Variants in UNC5C observed in about 807,000 individuals in gnomAD.
UNC5C encodes the protein unc-5 netrin receptor C, also known as netrin receptor UNC5C.
Under a neutral mutation model 99.8 loss-of-function variants are expected in UNC5C, and 47 were observed. That is an observed-to-expected ratio of 0.47 (90% CI 0.37 to 0.60). The LOEUF is 0.60. Ranked by LOEUF, UNC5C falls within the 20% of genes least tolerant of loss-of-function variation. UNC5C has a pLI of 0.00. For missense variants in UNC5C, 1,062 were observed against 1,165.9 expected (o/e 0.91, Z 1.30); for synonymous variants, 487 against 452.2 (o/e 1.08, Z -0.98).
At chr4:95,443,651 A>ATTTT (rs1747014647) in intron 1 of UNC5C, among the ~76,000 whole-genome samples, 1 of 152,096 alleles carries the variant, frequency 6.6e-6, no homozygotes, top group Non-Finnish European at 1.5e-5. Context: ...ACCATCTTTT[A>ATTTT]TTTTCAGTTT....
chr4:95,459,424 A>G (rs1224469670), intron 1 of UNC5C, among the ~76,000 whole-genome samples: 2 of 152,152 alleles, frequency 1.3e-5, no homozygotes, highest in East Asian at 3.8e-4. Flanking sequence ...CTAAAGGCCC[A>G]TTAAGGTATC....
chr4:95,210,024 G>T (rs1038936087), intron 10 of UNC5C, among the ~76,000 whole-genome samples: 2 of 152,124 alleles, frequency 1.3e-5, no homozygotes, highest in Non-Finnish European at 2.9e-5. Context: ...GTTAGCAGCC[G>T]GTGCTTGAGG....
At chr4:95,540,756 G>A (rs1722898608) in intron 1 of UNC5C, among the ~76,000 whole-genome samples, 1 of 152,024 alleles carries the variant, frequency 6.6e-6, no homozygotes, top group Non-Finnish European at 1.5e-5. Context: ...ATTTCACATA[G>A]ACATACAGTT....
intron 3 of UNC5C, 143 bp from the exon 4 acceptor site, chr4:95,278,505 C>G: frequency 3.1e-6 from 2 of 642,914 alleles, no homozygotes; most frequent in Non-Finnish European, 5.3e-6. Context: ...GACAGGGTCT[C>G]ACTCTGTGTC....
chr4:95,189,939 C>A lies in UNC5C; in HGVS notation c.2137-4743G>T, dbSNP rs534338553. Among the ~76,000 whole-genome samples, 45 of 152,228 alleles carry A rather than the reference C, an allele frequency of 3.0e-4. 1 individual carries two copies. The South Asian group carries it at 9.1e-3, about 31-fold the overall frequency. On this transcript the variant is annotated intron_variant, in intron 12 of 15. Transcript: ENST00000453304. ...ATTGTGGAAGTCAGTGTGGCGATTC[C>A]TCAGGGATCTAGAACTAGAAATACC...
chr4:95,175,223 G>T (rs1322382934), intron 14 of UNC5C, among the ~76,000 whole-genome samples: 1 of 150,968 alleles, frequency 6.6e-6, no homozygotes, highest in East Asian at 1.9e-4. Flanking sequence ...TCTTTTAATT[G>T]GAGCATTTAG....
chr4:95,240,863 C>T (rs1249256162), intron 7 of UNC5C, among the ~76,000 whole-genome samples: 2 of 152,142 alleles, frequency 1.3e-5, no homozygotes, highest in Non-Finnish European at 2.9e-5. Context: ...GTGACATTTT[C>T]TATGACTAAT....
chr4:95,256,522 C>G (rs931804876), intron 4 of UNC5C, among the ~76,000 whole-genome samples: 1 of 151,866 alleles, frequency 6.6e-6, no homozygotes, highest in African/African-American at 2.4e-5. Context: ...CTTCCTGGTC[C>G]AAGTCACTAT....
intron 1 of UNC5C, among the ~76,000 whole-genome samples, chr4:95,447,268 T>G (rs549509359): frequency 6.6e-6 from 1 of 152,300 alleles, no homozygotes; most frequent in African/African-American, 2.4e-5. Flanking sequence ...TCCAGAGAGA[T>G]ACGAAATCCA....
At position 95,292,208 on chromosome 4, in the gene UNC5C, C is replaced by CAT. The variant is rs376368681; in HGVS notation, c.490+9396_490+9397dup. 6.8e-3 allele frequency among the ~76,000 whole-genome samples: 847 copies of CAT among 123,926 alleles called. 11 individuals carry two copies. Among genetic ancestry groups the CAT allele is most frequent in the South Asian group, 0.042 (167 of 4,010 alleles). The allele number at this position is 123,926 out of a possible 152,430, so 81.3% of individuals were successfully genotyped here. A position where few individuals can be genotyped will look rare whatever the true frequency, so the allele number is the denominator to read the frequency against. ...ACATATATATATACACATATATATA[C>CAT]ATATATATACACACACACACACACA... is the stretch of plus-strand genomic sequence containing the variant. On this transcript the variant is annotated intron_variant, in intron 3 of 15. Coordinates refer to ENST00000453304, the MANE Select transcript of UNC5C (RefSeq NM_003728.4).
intron 3 of UNC5C, among the ~76,000 whole-genome samples, chr4:95,300,987 G>A (rs1040709512): frequency 6.6e-6 from 1 of 151,932 alleles, no homozygotes; most frequent in Non-Finnish European, 1.5e-5. Flanking sequence ...AATGCCAGAG[G>A]GGTGGATACC....
intron 10 of UNC5C, 104 bp from the exon 11 acceptor site, chr4:95,206,900 T>TTA: frequency 5.1e-4 from 461 of 909,974 alleles, no homozygotes; most frequent in Non-Finnish European, 6.0e-4. Context: ...TCTCCTGGAA[T>TTA]TCTTTTTTTT....
At chr4:95,294,684 C>A (rs929793305) in intron 3 of UNC5C, among the ~76,000 whole-genome samples, 2 of 152,152 alleles carry the variant, frequency 1.3e-5, no homozygotes, top group African/African-American at 2.4e-5. Flanking sequence ...ACAGTCTAGC[C>A]CTGGGACATG....
At position 95,185,163 on chromosome 4, in the gene UNC5C, G is replaced by C. The variant is rs1175723434; in HGVS notation, c.2170C>G (p.Gln724Glu). Residue 724 changes from glutamine to glutamate, a missense_variant, in exon 13 of 16, where the codon CAG becomes GAG. Physicochemically the swap from Gln to Glu is conservative, Grantham distance 29. This residue lies in a region of UNC5C where 810 missense variants were observed against 854.5 expected (regional missense o/e 0.95). Transcript: ENST00000453304. ...AGAGCCTTAGGTTCTTCTAGGAGCT[G>C]TCCTCCCATCTGTCTCTCAAGATGT... ...ILHLERQMGGQLLEEPKALHF... is the reference protein window; with the variant it reads ...ILHLERQMGGELLEEPKALHF... 1 of 1,612,948 alleles carries C rather than the reference G, an allele frequency of 6.2e-7. No homozygotes were observed. The highest frequency in any genetic ancestry group is 1.3e-5 in the African/African-American group (1 of 74,846).
Position 95,206,642 on chromosome 4 carries a change from G to C in UNC5C, c.1888C>G (p.Gln630Glu), listed in dbSNP as rs150755514. The C allele has an allele frequency of 2.7e-4, 431 of 1,614,108 alleles. No individual in the cohort carries two copies. The highest frequency in any genetic ancestry group is 1.8e-3 in the Middle Eastern group (11 of 6,062). The change falls in exon 11 of 16, where the codon CAG becomes GAG. Residue 630 changes from glutamine to glutamate, a missense_variant. Gln to Glu is a conservative substitution (Grantham distance 29). Coordinates refer to ENST00000453304, the MANE Select transcript of UNC5C (RefSeq NM_003728.4). ...CAGCAGCTCACCTCCCACTGTCCCT[G>C]TGCTGCCTGGTTCTTGAGCAGTATT... ...WKILLKNQAAQGQWEDVVVVG... is the reference protein window; with the variant it reads ...WKILLKNQAAEGQWEDVVVVG...
At chr4:95,290,179 A>G (rs1404361514) in intron 3 of UNC5C, among the ~76,000 whole-genome samples, 2 of 151,994 alleles carry the variant, frequency 1.3e-5, no homozygotes, top group Non-Finnish European at 2.9e-5. Flanking sequence ...GGTAGTAGGT[A>G]TCTGTAGTCC....
At chr4:95,231,288 C>A (rs904968422) in intron 7 of UNC5C, among the ~76,000 whole-genome samples, 1 of 152,076 alleles carries the variant, frequency 6.6e-6, no homozygotes, top group African/African-American at 2.4e-5. Flanking sequence ...GACCTTAATA[C>A]CCGTAAATAG....
At chr4:95,202,418 G>A (rs536855303) in intron 12 of UNC5C, among the ~76,000 whole-genome samples, 3 of 152,272 alleles carry the variant, frequency 2.0e-5, no homozygotes, top group Admixed American at 6.5e-5. Context: ...TAGGAAGAAC[G>A]CAGCTGAGAT....
At chr4:95,181,683 C>T (rs1736618558) in intron 14 of UNC5C, among the ~76,000 whole-genome samples, 1 of 151,996 alleles carries the variant, frequency 6.6e-6, no homozygotes, top group African/African-American at 2.4e-5. Flanking sequence ...TGAATGTCAC[C>T]GGGGGCTGTG....
Sources: allele counts gnomAD v4.1 joint callset (sites outside exome capture counted in the v4.1 genomes callset), GRCh38; gene constraint gnomAD v4.1.1; regional missense constraint gnomAD v4.1.1; transcripts MANE v1.5; gene names NCBI Gene and HGNC (gene_info 2026-07-23, HGNC 2026-07-21).